NEXMIF: variants seen among roughly 807,000 people sequenced by gnomAD.
The protein encoded by NEXMIF is neurite extension and migration factor.
In NEXMIF, 8 loss-of-function variants were observed where a neutral mutation model predicts 62.1. The observed-to-expected ratio is 0.13, with a 90% CI of 0.08 to 0.23. The LOEUF is 0.23. NEXMIF is among the 10% of genes least tolerant of loss of function. The probability of loss-of-function intolerance (pLI) is 1.00; values close to 1 mark genes in which losing one functional copy is unlikely to be tolerated. For missense variants in NEXMIF, 976 were observed against 1,113.3 expected (o/e 0.88, Z 1.75); for synonymous variants, 404 against 416.6 (o/e 0.97, Z 0.37).
intron 1 of NEXMIF, among the ~76,000 whole-genome samples, chrX:74,887,815 T>C (rs1045499812): frequency 7.1e-5 from 8 of 112,121 alleles, no homozygotes; most frequent in African/African-American, 2.6e-4. Flanking sequence ...CAAAGGATTA[T>C]AAATCATGCT....
At chrX:74,844,087 T>A (rs1041783335) in intron 1 of NEXMIF, among the ~76,000 whole-genome samples, 2 of 111,986 alleles carry the variant, frequency 1.8e-5, no homozygotes, top group African/African-American at 6.5e-5. Context: ...ATTTTTTTCT[T>A]TAAGAATATT....
intron 1 of NEXMIF, among the ~76,000 whole-genome samples, chrX:74,908,081 C>T (rs2080775079): frequency 9.0e-6 from 1 of 111,607 alleles, no homozygotes; most frequent in South Asian, 3.8e-4. Context: ...TGACATGGAA[C>T]AGAGCCTCCT....
At chrX:74,876,834 C>G (rs1413576336) in intron 1 of NEXMIF, among the ~76,000 whole-genome samples, 2 of 105,572 alleles carry the variant, frequency 1.9e-5, no homozygotes, top group African/African-American at 6.9e-5. Flanking sequence ...TTTTGTTTTC[C>G]ATTTGCTTGG....
Position 74,737,510 on chromosome X carries a change from C to T in NEXMIF, c.*1895G>A, listed in dbSNP as rs1289260008. The T allele has an allele frequency of 9.0e-6, 1 of 111,425 alleles. No homozygotes were observed. Among genetic ancestry groups the T allele is most frequent in the East Asian group, 2.8e-4 (1 of 3,518 alleles). 9.2% of individuals were successfully genotyped at this position (111,425 alleles called of 1,213,427 possible). On this transcript the variant is annotated 3_prime_UTR_variant, in exon 4 of 4. Transcript: ENST00000055682. ...AGCCTCACAGAATGCTCCTCACCCA[C>T]TCATCCCCACAGACACAAGAGACTG...
At chrX:74,880,085 T>C (rs997050085) in intron 1 of NEXMIF, among the ~76,000 whole-genome samples, 1 of 112,293 alleles carries the variant, frequency 8.9e-6, no homozygotes. Context: ...GGCTCAACCA[T>C]ACCTCCTGAC....
At chrX:74,852,378 T>A (rs1189452377) in intron 1 of NEXMIF, among the ~76,000 whole-genome samples, 1 of 111,485 alleles carries the variant, frequency 9.0e-6, no homozygotes, top group Non-Finnish European at 1.9e-5. Flanking sequence ...GTTGGGAACT[T>A]CAACACTCCG....
chrX:74,761,753 G>A (rs1473367630), intron 1 of NEXMIF, among the ~76,000 whole-genome samples: 1 of 110,125 alleles, frequency 9.1e-6, no homozygotes. Flanking sequence ...GTTATTTCTT[G>A]TCTTCTGCTA....
chrX:74,879,048 A>G (rs1307035704), intron 1 of NEXMIF, among the ~76,000 whole-genome samples: 1 of 112,252 alleles, frequency 8.9e-6, no homozygotes, highest in East Asian at 2.8e-4. Flanking sequence ...ATATGTTTGC[A>G]CACACAAATA....
At chrX:74,770,517 T>G (rs1329201731) in intron 1 of NEXMIF, among the ~76,000 whole-genome samples, 1 of 112,238 alleles carries the variant, frequency 8.9e-6, no homozygotes, top group Admixed American at 9.5e-5. Flanking sequence ...TGAAATTAGA[T>G]TTTTCAGTTT....
chrX:74,878,760 C>T (rs868313195), intron 1 of NEXMIF, among the ~76,000 whole-genome samples: 29 of 112,344 alleles, frequency 2.6e-4, no homozygotes, highest in African/African-American at 6.1e-4. Context: ...TTCCAGGTGC[C>T]GTCTGTCACC....
At chrX:74,853,451 A>T (rs967539221) in intron 1 of NEXMIF, among the ~76,000 whole-genome samples, 2 of 108,119 alleles carry the variant, frequency 1.8e-5, no homozygotes, top group Non-Finnish European at 3.8e-5. Flanking sequence ...ATACCCATTA[A>T]CATAGTGACA....
chrX:74,835,191 G>T (rs767146520), intron 1 of NEXMIF, among the ~76,000 whole-genome samples: 8 of 111,803 alleles, frequency 7.2e-5, no homozygotes, highest in Non-Finnish European at 1.5e-4. Context: ...TTATCTGACA[G>T]AATTCTGAAT....
intron 1 of NEXMIF, among the ~76,000 whole-genome samples, chrX:74,918,396 A>G (rs6647582): frequency 0.15 from 16,348 of 111,304 alleles, 1,794 homozygotes; most frequent in East Asian, 0.91. Context: ...AACTAAAGAC[A>G]AAGCATGTTC....
Position 74,743,132 on chromosome X carries a change from T to C in NEXMIF, c.1425A>G (p.Gln475=), listed in dbSNP as rs2080113107. 8.3e-7 allele frequency: 1 copy of C among 1,208,762 alleles called. No homozygotes were observed. Among genetic ancestry groups the C allele is most frequent in the Non-Finnish European group, 1.1e-6 (1 of 894,956 alleles). ...TCTTGGCTCGCAGCCCATAGTTCTG[T>C]TGGGAGGAGGAGCTGCCAGAATTAG... ...RDTNSGSSSS[Q]QNYGLRAKRK... is the part of the protein sequence containing the mutation. The change falls in exon 3 of 4, where the codon CAA becomes CAG. Residue 475 remains glutamine, a synonymous_variant. Transcript: ENST00000055682.
intron 1 of NEXMIF, among the ~76,000 whole-genome samples, chrX:74,867,981 C>A (rs1490392579): frequency 9.0e-6 from 1 of 111,540 alleles, no homozygotes; most frequent in Non-Finnish European, 1.9e-5. Context: ...AACATGGACA[C>A]TTCTTAAAAG....
At chrX:74,886,617 G>T (rs779047036) in intron 1 of NEXMIF, among the ~76,000 whole-genome samples, 6 of 110,612 alleles carry the variant, frequency 5.4e-5, no homozygotes, top group Admixed American at 1.9e-4. Context: ...TCTTCAAGGA[G>T]AACTACAAAC....
intron 1 of NEXMIF, among the ~76,000 whole-genome samples, chrX:74,886,806 G>C (rs780326549): frequency 9.4e-6 from 1 of 105,998 alleles, no homozygotes; most frequent in African/African-American, 3.8e-5. Context: ...CTACTTTAAA[G>C]TTCATATGGA....
chrX:74,743,751 T>C lies in NEXMIF; in HGVS notation c.806A>G (p.Lys269Arg). The change falls in exon 3 of 4, where the codon AAG becomes AGG. Residue 269 changes from lysine to arginine, a missense_variant. Physicochemically the swap from Lys to Arg is conservative, Grantham distance 26. Coordinates refer to ENST00000055682, the MANE Select transcript of NEXMIF (RefSeq NM_001008537.3). ...GYFETFISES[K>R]IELLDLCSKN... ...GGAACAGAGGTCAAGCAGTTCAATC[T>C]TACTTTCACTAATAAAAGTCTCGAA... 1 of 1,211,659 alleles carries C rather than the reference T, an allele frequency of 8.3e-7. No homozygotes were observed. Among genetic ancestry groups the C allele is most frequent in the Non-Finnish European group, 1.1e-6 (1 of 895,393 alleles).
At chrX:74,751,585 A>G (rs2080142755) in intron 1 of NEXMIF, among the ~76,000 whole-genome samples, 1 of 104,271 alleles carries the variant, frequency 9.6e-6, no homozygotes, top group Non-Finnish European at 2.0e-5. Context: ...CCTGCCACTC[A>G]GCCTCTCGAG....
Sources: gnomAD v4.1 joint callset for allele counts (sites outside exome capture counted in the v4.1 genomes callset) on GRCh38, gnomAD v4.1.1 for gene constraint, MANE v1.5 for transcripts, NCBI Gene and HGNC (gene_info 2026-07-23, HGNC 2026-07-21) for gene names.